The following NALF1 variants were observed in gnomAD, a reference collection of about 807,000 sequenced individuals.
NALF1 encodes family with sequence similarity 155 member A.
Under a neutral mutation model 48.4 loss-of-function variants are expected in NALF1, and 3 were observed. That is an observed-to-expected ratio of 0.06 (90% CI 0.03 to 0.16). The LOEUF is 0.16. NALF1 is among the 10% of genes least tolerant of loss of function. The pLI, the probability that NALF1 is intolerant of heterozygous loss-of-function variation, is 1.00. For synonymous variants in NALF1, 262 were observed against 245.7 expected (o/e 1.07, Z -0.62); for missense variants, 526 against 571.5 (o/e 0.92, Z 0.81).
intron 1 of NALF1, among the ~76,000 whole-genome samples, chr13:107,264,650 T>C (rs1881004833): frequency 6.6e-6 from 1 of 152,234 alleles, no homozygotes; most frequent in Non-Finnish European, 1.5e-5. Flanking sequence ...GGAACAACTA[T>C]TAATAGTTTG....
rs373766682 is a variant in NALF1 at position 107,841,744 on chromosome 13, T to C, written c.915+23938A>G. Among the ~76,000 whole-genome samples, 5 of 152,082 alleles carry C rather than the reference T, an allele frequency of 3.3e-5. No individual in the cohort carries two copies. The East Asian group carries it at 9.6e-4, about 29-fold the overall frequency. On this transcript the variant is annotated intron_variant, in intron 1 of 2. Transcript: ENST00000375915. ...ACAAAGACTGTTTTTTACACTGCCG[T>C]AGGGAAAGCATATTGTTTAAATAAG...
chr13:107,590,738 C>T (rs1405318287), intron 1 of NALF1, among the ~76,000 whole-genome samples: 1 of 151,780 alleles, frequency 6.6e-6, no homozygotes, highest in African/African-American at 2.4e-5. Flanking sequence ...GTTTACATTG[C>T]CTTATGAGGA....
chr13:107,285,653 C>T (rs1392668836), intron 1 of NALF1, among the ~76,000 whole-genome samples: 1 of 151,792 alleles, frequency 6.6e-6, no homozygotes. Context: ...TAGTGTATAG[C>T]ATATATATGG....
At chr13:107,550,125 T>C (rs913603458) in intron 1 of NALF1, among the ~76,000 whole-genome samples, 4 of 152,134 alleles carry the variant, frequency 2.6e-5, no homozygotes, top group Non-Finnish European at 2.9e-5. Flanking sequence ...ATTCCAGATA[T>C]TGCTACTTTT....
chr13:107,378,325 A>C (rs1419641229), intron 1 of NALF1, among the ~76,000 whole-genome samples: 2 of 152,126 alleles, frequency 1.3e-5, no homozygotes, highest in African/African-American at 4.8e-5. Context: ...TACTTGAGTT[A>C]TATATGAATA....
At chr13:107,317,460 T>G (rs1026838202) in intron 1 of NALF1, among the ~76,000 whole-genome samples, 1 of 152,158 alleles carries the variant, frequency 6.6e-6, no homozygotes, top group African/African-American at 2.4e-5. Context: ...TTAAACAAAT[T>G]AGAGGTTTAA....
At chr13:107,480,775 T>C (rs1885242773) in intron 1 of NALF1, among the ~76,000 whole-genome samples, 1 of 152,172 alleles carries the variant, frequency 6.6e-6, no homozygotes, top group African/African-American at 2.4e-5. Flanking sequence ...AAATGAAACA[T>C]TGTAGAACAC....
At chr13:107,183,542 A>G (rs1879109550) in intron 2 of NALF1, among the ~76,000 whole-genome samples, 1 of 152,174 alleles carries the variant, frequency 6.6e-6, no homozygotes, top group South Asian at 2.1e-4. Flanking sequence ...ACACATGCAC[A>G]TGTATGTTTA....
chr13:107,329,237 A>G (rs1439346982), intron 1 of NALF1, among the ~76,000 whole-genome samples: 1 of 152,244 alleles, frequency 6.6e-6, no homozygotes, highest in East Asian at 1.9e-4. Flanking sequence ...AGAAGAGCAC[A>G]AAGAATGAAG....
intron 1 of NALF1, among the ~76,000 whole-genome samples, chr13:107,220,323 C>T (rs1430919254): frequency 1.3e-5 from 2 of 152,164 alleles, no homozygotes; most frequent in South Asian, 2.1e-4. Flanking sequence ...AAGAGCCAAC[C>T]GGCACCCTGG....
intron 1 of NALF1, among the ~76,000 whole-genome samples, chr13:107,423,376 T>A (rs1454340263): frequency 6.6e-6 from 1 of 152,138 alleles, no homozygotes; most frequent in African/African-American, 2.4e-5. Flanking sequence ...GTGAGCAGAA[T>A]GATGAACAAG....
chr13:107,830,733 C>T (rs1480823355), intron 1 of NALF1, among the ~76,000 whole-genome samples: 1 of 152,128 alleles, frequency 6.6e-6, no homozygotes, highest in Admixed American at 6.6e-5. Context: ...TATATTTAAG[C>T]TCCTTCTGCA....
At chr13:107,640,571 A>G (rs572028356) in intron 1 of NALF1, among the ~76,000 whole-genome samples, 1 of 152,318 alleles carries the variant, frequency 6.6e-6, no homozygotes, top group South Asian at 2.1e-4. Flanking sequence ...GAAACAATCT[A>G]TAGACCAAGT....
At chr13:107,857,445 C>T (rs145270723) in intron 1 of NALF1, among the ~76,000 whole-genome samples, 1 of 152,128 alleles carries the variant, frequency 6.6e-6, no homozygotes, top group Admixed American at 6.6e-5. Flanking sequence ...TTCCCAAGAC[C>T]ATTTCTACCC....
rs960392429 is a variant in NALF1, at chr13:107,341,644, G to C, written c.916-130889C>G. Among the ~76,000 whole-genome samples the C allele has an allele frequency of 1.3e-4, 20 of 149,960 alleles. No homozygotes were observed. In the Admixed American group the frequency reaches 1.3e-3, roughly 10 times the overall value. On this transcript the variant is annotated intron_variant, in intron 1 of 2. Transcript: ENST00000375915. ...TACATATATTATATATATACACTTG[G>C]GTACATATATATGGTTTGTTGTATA...
chr13:107,588,074 A>T (rs976723175), intron 1 of NALF1, among the ~76,000 whole-genome samples: 3 of 152,120 alleles, frequency 2.0e-5, no homozygotes, highest in African/African-American at 7.2e-5. Context: ...TCTATGAAGG[A>T]CTGTTCTCAC....
At chr13:107,648,904 C>T (rs1000446702) in intron 1 of NALF1, among the ~76,000 whole-genome samples, 10 of 152,090 alleles carry the variant, frequency 6.6e-5, no homozygotes, top group African/African-American at 1.9e-4. Flanking sequence ...ATCTCATTAT[C>T]GTTTTAATTT....
chr13:107,611,661 G>A (rs1277303483), intron 1 of NALF1, among the ~76,000 whole-genome samples: 4 of 152,004 alleles, frequency 2.6e-5, no homozygotes, highest in Non-Finnish European at 4.4e-5. Flanking sequence ...TGGGAGGATT[G>A]CTTGAGGCCA....
At chr13:107,625,326 T>C (rs1360875572) in intron 1 of NALF1, among the ~76,000 whole-genome samples, 1 of 152,134 alleles carries the variant, frequency 6.6e-6, no homozygotes, top group African/African-American at 2.4e-5. Flanking sequence ...AGAAAGATGT[T>C]GACTTTCTTG....
Sources: allele counts gnomAD v4.1 joint callset (sites outside exome capture counted in the v4.1 genomes callset), GRCh38; gene constraint gnomAD v4.1.1; transcripts MANE v1.5; gene names NCBI Gene and HGNC (gene_info 2026-07-23, HGNC 2026-07-21).